TRABD2A: variants seen among roughly 807,000 people sequenced by gnomAD.
TRABD2A encodes the protein TraB domain containing 2A.
TRABD2A carries 43 observed loss-of-function variants against 45.6 expected under a neutral mutation model. That is an observed-to-expected ratio of 0.94 (90% CI 0.74 to 1.22). The LOEUF is 1.22. TRABD2A is among the 50% of genes most tolerant of loss of function. The pLI, the probability that TRABD2A is intolerant of heterozygous loss-of-function variation, is 0.00. For synonymous variants in TRABD2A, 269 were observed against 265.0 expected (o/e 1.02, Z -0.15); for missense variants, 642 against 652.4 (o/e 0.98, Z 0.17).
chr2:84,870,229 G>A lies in TRABD2A; in HGVS notation c.665C>T (p.Ser222Leu), dbSNP rs376411366. The A allele has an allele frequency of 4.4e-6, 7 of 1,606,702 alleles. No individual in the cohort carries two copies. The highest frequency in any genetic ancestry group is 5.1e-6 in the Non-Finnish European group (6 of 1,174,722). The change falls in exon 2 of 7, where the codon TCA becomes TTA. Residue 222 changes from serine to leucine, a missense_variant. By Grantham distance (145) the Ser-to-Leu change is moderately radical. Transcript: ENST00000409520. ...TTTATGCAAAGAGAGTCTTACCTGT[G>A]AAAAGTTCAACCCATTCAATGGATG... ...QCHPLNGLNF[S>L]QVIFALNQTL...
At chr2:84,853,617 T>A (rs1371923026) in intron 2 of TRABD2A, among the ~76,000 whole-genome samples, 1 of 151,894 alleles carries the variant, frequency 6.6e-6, no homozygotes, top group Non-Finnish European at 1.5e-5. Flanking sequence ...GAGACTGGAG[T>A]GAGGCTCCTA....
intron 1 of TRABD2A, among the ~76,000 whole-genome samples, chr2:84,875,295 T>A (rs1361194059): frequency 6.6e-6 from 1 of 152,172 alleles, no homozygotes; most frequent in East Asian, 1.9e-4. Context: ...TGGGGATATC[T>A]AAGAGAAGAG....
intron 2 of TRABD2A, among the ~76,000 whole-genome samples, chr2:84,852,470 G>C (rs1295526568): frequency 6.6e-6 from 1 of 152,114 alleles, no homozygotes; most frequent in African/African-American, 2.4e-5. Context: ...GCAGAGTTGA[G>C]GGAGGATGGC....
chr2:84,844,318 G>A (rs561826390), intron 2 of TRABD2A, among the ~76,000 whole-genome samples: 1 of 152,272 alleles, frequency 6.6e-6, no homozygotes, highest in South Asian at 2.1e-4. Context: ...AAGTCTCGTG[G>A]TTCTATAAAG....
At chr2:84,831,691 A>T (rs1203363473) in intron 5 of TRABD2A, among the ~76,000 whole-genome samples, 6 of 152,080 alleles carry the variant, frequency 3.9e-5, no homozygotes, top group African/African-American at 1.4e-4. Context: ...TGCCTCCCGA[A>T]AACTTCCAAA....
intron 2 of TRABD2A, among the ~76,000 whole-genome samples, chr2:84,868,909 A>G (rs1682781432): frequency 6.6e-6 from 1 of 152,254 alleles, no homozygotes; most frequent in African/African-American, 2.4e-5. Context: ...TGAAAAGGTT[A>G]TAACATTGGC....
intron 2 of TRABD2A, among the ~76,000 whole-genome samples, chr2:84,853,708 CACTG>C (rs1490526716): frequency 1.3e-5 from 2 of 152,236 alleles, no homozygotes; most frequent in Admixed American, 1.3e-4. Flanking sequence ...TCAGAGAGAA[CACTG>C]ACTGGCCAAT....
Position 84,821,944 on chromosome 2 carries a change from A to G in TRABD2A, c.1491T>C (p.Ala497=). The G allele has an allele frequency of 6.2e-7, 1 of 1,603,268 alleles. No individual in the cohort carries two copies. Among genetic ancestry groups the G allele is most frequent in the Non-Finnish European group, 8.5e-7 (1 of 1,174,726 alleles). The change falls in exon 7 of 7, where the codon GCT becomes GCC. Residue 497 remains alanine (A), a synonymous_variant. Coordinates refer to ENST00000409520, the MANE Select transcript of TRABD2A (RefSeq NM_001277053.2). ...WTPVFWVLVL[A]FQTETPLL The stretch of plus-strand genomic sequence containing the variant: ...ACAGGAGGGGTGTCTCTGTTTGGAA[A>G]GCCAGCACCAGCACCCAGAACACAG...
intron 2 of TRABD2A, among the ~76,000 whole-genome samples, chr2:84,845,177 C>G (rs964146139): frequency 2.0e-5 from 3 of 152,106 alleles, no homozygotes; most frequent in Admixed American, 2.0e-4. Flanking sequence ...ATGGTAAAAC[C>G]CTGTCTCTAC....
Position 84,824,097 on chromosome 2 carries a change from G to C in TRABD2A, c.1190C>G (p.Ser397Ter). ...PAPEAVSSGH[S>*]TLPPLVSRPG... ...CCGGGACACAAGGGGAGGCAGCGTT[G>C]AGTGCCCTGAGGATACGGCTTCTGG... Residue 397 changes from serine to a stop codon, truncating the protein, a stop_gained, in exon 6 of 7, where the codon TCA (serine) becomes TGA (stop). Transcript: ENST00000409520. LOFTEE classifies it high-confidence loss of function. 2 of 1,613,904 alleles carry C rather than the reference G, an allele frequency of 1.2e-6. No individual in the cohort carries two copies. Among genetic ancestry groups the C allele is most frequent in the Non-Finnish European group, 8.5e-7 (1 of 1,179,834 alleles).
chr2:84,870,674 A>G lies in TRABD2A; in HGVS notation c.220T>C (p.Ser74Pro). Residue 74 changes from serine (S) to proline (P), a missense_variant, in exon 2 of 7, where the codon TCT becomes CCT. Ser to Pro is a moderately conservative substitution (Grantham distance 74). Coordinates refer to ENST00000409520, the MANE Select transcript of TRABD2A (RefSeq NM_001277053.2). ...CTGCTCTGCAGGAAAGCCTCCTTAG[A>G]GTTGTCGGGGATGAAGTCCCAAACT... ...TRVWDFIPDNSKEAFLQSSIV... is the reference protein window; with the variant it reads ...TRVWDFIPDNPKEAFLQSSIV... 2 of 1,608,902 alleles carry G rather than the reference A, an allele frequency of 1.2e-6. No homozygotes were observed. The highest frequency in any genetic ancestry group is 1.7e-6 in the Non-Finnish European group (2 of 1,177,624).
chr2:84,840,462 CCA>C (rs1681672279), intron 3 of TRABD2A, among the ~76,000 whole-genome samples: 1 of 152,188 alleles, frequency 6.6e-6, no homozygotes, highest in Non-Finnish European at 1.5e-5. Context: ...AAAGCCTGCA[CCA>C]CTCCCTGCTG....
chr2:84,878,090 T>A (rs1159781806), intron 1 of TRABD2A, among the ~76,000 whole-genome samples: 1 of 152,158 alleles, frequency 6.6e-6, no homozygotes, highest in African/African-American at 2.4e-5. Context: ...ATGGTAGTGG[T>A]GGCAGCAGTT....
intron 1 of TRABD2A, among the ~76,000 whole-genome samples, chr2:84,872,388 A>T (rs1456627331): frequency 6.6e-6 from 1 of 152,096 alleles, no homozygotes; most frequent in Non-Finnish European, 1.5e-5. Flanking sequence ...GCATGCCTGT[A>T]GTCCCAGCTA....
At chr2:84,831,891 G>C (rs1681350928) in intron 5 of TRABD2A, among the ~76,000 whole-genome samples, 164 bp downstream of exon 5, 1 of 152,170 alleles carries the variant, frequency 6.6e-6, no homozygotes, top group Admixed American at 6.5e-5. Context: ...CAGCCACACA[G>C]AGCCAGCTGA....
In TRABD2A at chr2:84,824,162, G is replaced by C. The variant is rs750846804; in HGVS notation, c.1125C>G (p.Thr375=). 1.9e-6 allele frequency: 3 copies of C among 1,613,870 alleles called. No individual in the cohort carries two copies. The highest frequency in any genetic ancestry group is 2.7e-5 in the African/African-American group (2 of 74,916). ...KKTSTRPTLS[T]IFAPKVPTLE... ...GGGTAGGGACTTTTGGAGCAAAGAT[G>C]GTGGACAGAGTGGGCCGTGTGGAGG... is the stretch of plus-strand genomic sequence containing the variant. The change falls in exon 6 of 7, where the codon ACC becomes ACG. Residue 375 remains threonine, a synonymous_variant. Coordinates refer to ENST00000409520, the MANE Select transcript of TRABD2A (RefSeq NM_001277053.2).
chr2:84,823,846 G>A, intron 6 of TRABD2A, 107 bp downstream of exon 6: 1 of 1,464,916 alleles, frequency 6.8e-7, no homozygotes, highest in South Asian at 1.3e-5. Context: ...AAAGGGAAAG[G>A]TTGCTCCATG....
intron 2 of TRABD2A, among the ~76,000 whole-genome samples, chr2:84,869,591 G>T (rs1338636097): frequency 6.6e-6 from 1 of 152,122 alleles, no homozygotes; most frequent in African/African-American, 2.4e-5. Context: ...TTCAAACCAG[G>T]CCATGCCCTG....
chr2:84,857,883 A>G (rs1480201586), intron 2 of TRABD2A, among the ~76,000 whole-genome samples: 8 of 151,932 alleles, frequency 5.3e-5, no homozygotes, highest in Non-Finnish European at 8.8e-5. Context: ...TTTATTTTCT[A>G]TTTTGTTAGA....
Sources: allele counts gnomAD v4.1 joint callset (sites outside exome capture counted in the v4.1 genomes callset), GRCh38; gene constraint gnomAD v4.1.1; transcripts MANE v1.5; gene names NCBI Gene and HGNC (gene_info 2026-07-23, HGNC 2026-07-21).